The following SCOC variants were observed in gnomAD, a reference collection of about 807,000 sequenced individuals.
The protein encoded by SCOC is short coiled-coil protein, also known as short coiled coil protein.
A neutral mutation model predicts 9.9 loss-of-function variants in SCOC; 7 were observed. The observed-to-expected ratio is 0.71, with a 90% CI of 0.40 to 1.33. The LOEUF (loss-of-function observed/expected upper bound fraction) is 1.33. SCOC is among the 40% of genes most tolerant of loss of function. SCOC has a pLI of 0.01. For synonymous variants in SCOC, 19 were observed against 28.2 expected (o/e 0.67, Z 1.03); for missense variants, 66 against 89.7 (o/e 0.74, Z 1.07).
At chr4:140,363,866 T>TAAC (rs1275515697) in intron 2 of SCOC, among the ~76,000 whole-genome samples, 1 of 152,200 alleles carries the variant, frequency 6.6e-6, no homozygotes, top group South Asian at 2.1e-4. Flanking sequence ...AAACCTTGAA[T>TAAC]AACACCATGG....
intron 1 of SCOC, among the ~76,000 whole-genome samples, chr4:140,316,053 A>G (rs1732309556): frequency 6.6e-6 from 1 of 152,132 alleles, no homozygotes; most frequent in South Asian, 2.1e-4. Flanking sequence ...ATAATGTGCC[A>G]TCCCCCAATG....
At chr4:140,302,598 C>G (rs1052006235) in intron 1 of SCOC, among the ~76,000 whole-genome samples, 3 of 152,168 alleles carry the variant, frequency 2.0e-5, no homozygotes, top group African/African-American at 7.2e-5. Flanking sequence ...AAGCCAGATA[C>G]TATTTCTAGT....
upstream of SCOC, chr4:140,343,312 A>T (rs1726578333): frequency 4.6e-6 from 1 of 216,138 alleles, no homozygotes; most frequent in Admixed American, 5.5e-5. Flanking sequence ...CGCTTTTTGG[A>T]CAATTTCCTT....
upstream of SCOC, among the ~76,000 whole-genome samples, chr4:140,372,688 CA>C (rs1408929528): frequency 3.3e-5 from 5 of 152,202 alleles, no homozygotes; most frequent in African/African-American, 1.2e-4. Flanking sequence ...GATGTGTCAG[CA>C]AACTGTGCCA....
At position 140,381,946 on chromosome 4, in the gene SCOC, A is replaced by G. The variant is rs1051220444; in HGVS notation, c.*842A>G. The G allele has an allele frequency of 6.6e-6, 1 of 152,186 alleles. No homozygotes were observed. The highest frequency in any genetic ancestry group is 2.4e-5 in the African/African-American group (1 of 41,454). 9.4% of individuals were successfully genotyped at this position (152,186 alleles called of 1,614,324 possible). On this transcript the variant is annotated 3_prime_UTR_variant, in exon 4 of 4. Transcript: ENST00000608372. ...TAGTAACCAAATATTTTCACTCCAG[A>G]TTTGTGTTTTCTCTGGCACAGAGTA...
At chr4:140,278,089 G>A (rs932996642) in intron 1 of SCOC, among the ~76,000 whole-genome samples, 3 of 152,166 alleles carry the variant, frequency 2.0e-5, no homozygotes, top group Non-Finnish European at 2.9e-5. Flanking sequence ...GCCTTAGTCT[G>A]CTCCTGTTGC....
chr4:140,350,519 T>C (rs1273886638), intron 2 of SCOC, among the ~76,000 whole-genome samples: 1 of 152,240 alleles, frequency 6.6e-6, no homozygotes, highest in Non-Finnish European at 1.5e-5. Flanking sequence ...CTTCTTTCTA[T>C]CCACACTTCT....
intron 1 of SCOC, among the ~76,000 whole-genome samples, chr4:140,310,039 C>A (rs1039192428): frequency 7.2e-5 from 11 of 152,322 alleles, no homozygotes; most frequent in African/African-American, 2.6e-4. Context: ...CTACCCATTT[C>A]TCTGACCAGC....
At chr4:140,361,375 G>T (rs1425997969) in intron 2 of SCOC, among the ~76,000 whole-genome samples, 1 of 152,070 alleles carries the variant, frequency 6.6e-6, no homozygotes, top group African/African-American at 2.4e-5. Context: ...CTATTAAACT[G>T]TATTTTAGGC....
At chr4:140,275,518 A>C (rs1436554420) in intron 1 of SCOC, among the ~76,000 whole-genome samples, 1 of 152,214 alleles carries the variant, frequency 6.6e-6, no homozygotes, top group African/African-American at 2.4e-5. Context: ...TTGCATCCTA[A>C]GTGCCAACCA....
At chr4:140,355,568 C>T (rs1727191776) in intron 2 of SCOC, among the ~76,000 whole-genome samples, 1 of 152,098 alleles carries the variant, frequency 6.6e-6, no homozygotes, top group Non-Finnish European at 1.5e-5. Flanking sequence ...AGCATTTCTG[C>T]ATTGTACTGA....
chr4:140,300,450 G>A (rs1731780999), intron 1 of SCOC, among the ~76,000 whole-genome samples: 1 of 152,202 alleles, frequency 6.6e-6, no homozygotes, highest in Non-Finnish European at 1.5e-5. Context: ...GTACTCCCCA[G>A]TGCCTGGCCT....
intron 1 of SCOC, among the ~76,000 whole-genome samples, chr4:140,260,114 T>G (rs1476225470): frequency 1.3e-5 from 2 of 152,238 alleles, no homozygotes; most frequent in Admixed American, 6.5e-5. Context: ...ACATTTTCCC[T>G]AGTGTTTTGA....
intron 1 of SCOC, among the ~76,000 whole-genome samples, chr4:140,292,189 G>T (rs930744817): frequency 2.7e-4 from 36 of 135,450 alleles, no homozygotes; most frequent in East Asian, 4.3e-4. Context: ...TACTCTTCTG[G>T]TTTTTTTTTT....
At position 140,384,636 on chromosome 4, in the gene SCOC, T is replaced by C. The variant is rs944038601; in HGVS notation, c.*3532T>C. The C allele has an allele frequency of 2.6e-5, 4 of 152,356 alleles. No homozygotes were observed. The East Asian group carries it at 5.8e-4, about 22-fold the overall frequency. The allele number at this position is 152,356 out of a possible 1,614,324, so 9.4% of individuals were successfully genotyped here. ...AGTTGAGCCCAGTTTCTTTCCCTTATTGGGTGATGGTCTTAACATATACAG... is the reference window on the plus strand; with the variant it reads ...AGTTGAGCCCAGTTTCTTTCCCTTACTGGGTGATGGTCTTAACATATACAG... On this transcript the variant is annotated 3_prime_UTR_variant, in exon 4 of 4. Coordinates refer to ENST00000608372, the MANE Select transcript of SCOC (RefSeq NM_001153484.2).
chr4:140,370,267 G>C (rs1297986254), upstream of SCOC, among the ~76,000 whole-genome samples: 4 of 152,094 alleles, frequency 2.6e-5, no homozygotes, highest in Non-Finnish European at 4.4e-5. Flanking sequence ...AGATTTGTTT[G>C]ATGATACACA....
intron 1 of SCOC, among the ~76,000 whole-genome samples, chr4:140,322,453 T>C (rs1484885718): frequency 6.6e-6 from 1 of 151,988 alleles, no homozygotes; most frequent in Non-Finnish European, 1.5e-5. Flanking sequence ...TCTGATGAGG[T>C]TGTAGATGAA....
intron 2 of SCOC, chr4:140,366,571 G>C (rs1323974024): frequency 6.2e-7 from 1 of 1,602,752 alleles, no homozygotes; most frequent in Non-Finnish European, 8.5e-7. Context: ...CCTTTCTCTG[G>C]CTTCAATCTT....
chr4:140,270,967 C>T (rs1392970350), intron 1 of SCOC, among the ~76,000 whole-genome samples: 1 of 152,126 alleles, frequency 6.6e-6, no homozygotes, highest in Admixed American at 6.5e-5. Flanking sequence ...TGCTGGACCC[C>T]CCAAACCATG....
Sources: gnomAD v4.1 joint callset for allele counts (sites outside exome capture counted in the v4.1 genomes callset) on GRCh38, gnomAD v4.1.1 for gene constraint, MANE v1.5 for transcripts, NCBI Gene and HGNC (gene_info 2026-07-23, HGNC 2026-07-21) for gene names.